NTF3: variants seen among roughly 807,000 people sequenced by gnomAD.
The protein encoded by NTF3 is neurotrophin 3, also known as neurotrophin-3.
In NTF3, 8 loss-of-function variants were observed where a neutral mutation model predicts 26.3. The observed-to-expected ratio is 0.30, with a 90% CI of 0.18 to 0.55. The LOEUF (loss-of-function observed/expected upper bound fraction) is 0.55, where lower values mean the gene tolerates loss of function less well. Ranked by LOEUF, NTF3 falls within the 20% of genes least tolerant of loss-of-function variation. The pLI is 0.93. For missense variants in NTF3, 276 were observed against 352.9 expected (o/e 0.78, Z 1.75); for synonymous variants, 154 against 145.5 (o/e 1.06, Z -0.42).
At chr12:5,455,852 G>A (rs1940439637) in intron 1 of NTF3, among the ~76,000 whole-genome samples, 1 of 152,158 alleles carries the variant, frequency 6.6e-6, no homozygotes, top group Non-Finnish European at 1.5e-5. Flanking sequence ...GATGGTGAGG[G>A]ATGTGCAGGG....
chr12:5,475,876 G>A (rs931759614), intron 1 of NTF3, among the ~76,000 whole-genome samples: 26 of 147,462 alleles, frequency 1.8e-4, no homozygotes, highest in Non-Finnish European at 3.2e-4. Flanking sequence ...GAGAGAGAGA[G>A]AAGGAAAGAA....
Position 5,456,563 on chromosome 12 carries a change from A to G in NTF3, c.18+24221A>G, listed in dbSNP as rs912202478. ...GGGACAGAGGAGAGAAAGGGTCTGC[A>G]TTCTGTTTGCAGCCCTGATCGTGAG... On this transcript the variant is annotated intron_variant, in intron 1 of 1. Coordinates refer to ENST00000423158, the MANE Select transcript of NTF3 (RefSeq NM_001102654.2). This position sits in a 1 kb window ranked among gnomAD's most constrained non-coding sequence, Gnocchi z 4.4. 1.3e-5 allele frequency among the ~76,000 whole-genome samples: 2 copies of G among 152,038 alleles called. No homozygotes were observed. The highest frequency in any genetic ancestry group is 2.1e-4 in the South Asian group (1 of 4,812).
At chr12:5,449,524 GT>G (rs1237610373) in intron 1 of NTF3, among the ~76,000 whole-genome samples, 1 of 152,138 alleles carries the variant, frequency 6.6e-6, no homozygotes, top group Non-Finnish European at 1.5e-5. Flanking sequence ...TTTGGTATGG[GT>G]TTTGCTATTT....
intron 1 of NTF3, among the ~76,000 whole-genome samples, chr12:5,482,492 G>T (rs534197952): frequency 2.2e-4 from 34 of 152,328 alleles, no homozygotes; most frequent in African/African-American, 7.7e-4. Flanking sequence ...GGAGGTCACT[G>T]GCTTTGGAGA....
intron 1 of NTF3, among the ~76,000 whole-genome samples, chr12:5,454,429 C>T (rs1940412173): frequency 6.6e-6 from 1 of 152,094 alleles, no homozygotes. Context: ...AGGTCATGTG[C>T]TCAAGTACTA....
intron 1 of NTF3, among the ~76,000 whole-genome samples, chr12:5,474,345 G>A (rs531335882): frequency 9.8e-5 from 15 of 152,338 alleles, no homozygotes; most frequent in Admixed American, 6.5e-4. Flanking sequence ...TCTCAGAGAC[G>A]TGATGTATGA....
chr12:5,437,330 A>C (rs1940179266), intron 1 of NTF3, among the ~76,000 whole-genome samples: 1 of 152,220 alleles, frequency 6.6e-6, no homozygotes, highest in Non-Finnish European at 1.5e-5. Flanking sequence ...TGATTGGAAG[A>C]GGTCACTGCT....
At chr12:5,462,076 T>C (rs981145674) in intron 1 of NTF3, among the ~76,000 whole-genome samples, 7 of 152,198 alleles carry the variant, frequency 4.6e-5, no homozygotes, top group Non-Finnish European at 1.0e-4. Context: ...GACAAATAAA[T>C]ACAGCAACTG....
intron 1 of NTF3, among the ~76,000 whole-genome samples, chr12:5,457,150 A>T (rs945194002): frequency 6.6e-5 from 10 of 152,254 alleles, no homozygotes; most frequent in Admixed American, 2.6e-4. Context: ...AGTCATGCAT[A>T]TTAGGATTTG....
In NTF3 at chr12:5,494,735, C is replaced by T. The variant is rs1342980492; in HGVS notation, c.560C>T (p.Thr187Met). The change falls in exon 2 of 2, where the codon ACG becomes ATG. Residue 187 changes from threonine to methionine, a missense_variant. By Grantham distance (81) the Thr-to-Met change is moderately conservative. This residue lies in a region of NTF3 where 221 missense variants were observed against 258.2 expected (regional missense o/e 0.86). Transcript: ENST00000423158. This position sits in a 1 kb window ranked among gnomAD's most constrained non-coding sequence, Gnocchi z 8.3. ...ATCGACATTCGGGGACACCAGGTCA[C>T]GGTGCTGGGGGAGATCAAAACGGGC... is the stretch of plus-strand genomic sequence containing the variant. ...SAIDIRGHQV[T>M]VLGEIKTGNS... The T allele has an allele frequency of 5.6e-6, 9 of 1,614,136 alleles. No individual in the cohort carries two copies. The highest frequency in any genetic ancestry group is 1.6e-4 in the Middle Eastern group (1 of 6,062).
intron 1 of NTF3, among the ~76,000 whole-genome samples, chr12:5,486,686 C>T (rs906423185): frequency 9.2e-5 from 14 of 152,246 alleles, no homozygotes; most frequent in African/African-American, 2.2e-4. Flanking sequence ...CTGCCTATGT[C>T]GCTGAAGCAA....
In NTF3 at chr12:5,432,227, G is replaced by T; in HGVS notation, c.-98G>T. 3 of 1,321,146 alleles carry T rather than the reference G, an allele frequency of 2.3e-6. No homozygotes were observed. The highest frequency in any genetic ancestry group is 1.2e-5 in the South Asian group (1 of 85,096). 81.8% of individuals were successfully genotyped at this position (1,321,146 alleles called of 1,614,324 possible). Reference sequence around the variant, plus strand: ...CTTCCTCTCCTTTTTCCCCTGCTGGGTAGTGGCTGCGGCGGGGTGGGGGAG... The same window carrying T: ...CTTCCTCTCCTTTTTCCCCTGCTGGTTAGTGGCTGCGGCGGGGTGGGGGAG... On this transcript the variant is annotated 5_prime_UTR_variant, in exon 1 of 2. Coordinates refer to ENST00000423158, the MANE Select transcript of NTF3 (RefSeq NM_001102654.2).
intron 1 of NTF3, among the ~76,000 whole-genome samples, chr12:5,491,116 T>TGCCATTGTTTA (rs1940931176): frequency 6.6e-6 from 1 of 152,228 alleles, no homozygotes; most frequent in South Asian, 2.1e-4. Flanking sequence ...CGTCACTCTC[T>TGCCATTGTTTA]GCCATTGTTT....
At chr12:5,435,303 T>G (rs1264502878) in intron 1 of NTF3, among the ~76,000 whole-genome samples, 2 of 152,214 alleles carry the variant, frequency 1.3e-5, no homozygotes, top group African/African-American at 4.8e-5. Context: ...AGCCCATTGC[T>G]GGGTACTGGG....
At chr12:5,479,023 A>G (rs946549961) in intron 1 of NTF3, among the ~76,000 whole-genome samples, 6 of 152,194 alleles carry the variant, frequency 3.9e-5, no homozygotes, top group African/African-American at 1.4e-4. Flanking sequence ...CAGTTGTCTC[A>G]TTAGCCCCCA....
At chr12:5,466,530 A>G (rs1210583720) in intron 1 of NTF3, among the ~76,000 whole-genome samples, 4 of 152,138 alleles carry the variant, frequency 2.6e-5, no homozygotes, top group Non-Finnish European at 5.9e-5. Context: ...CCTAGCCATC[A>G]TTTCATTCCA....
chr12:5,473,031 C>T (rs1037633184), intron 1 of NTF3, among the ~76,000 whole-genome samples: 7 of 152,250 alleles, frequency 4.6e-5, no homozygotes, highest in South Asian at 2.1e-4. Context: ...GCAGAGTTCC[C>T]GTCTTGTTTA....
intron 1 of NTF3, among the ~76,000 whole-genome samples, chr12:5,445,713 G>T (rs530906149): frequency 6.6e-6 from 1 of 152,230 alleles, no homozygotes; most frequent in African/African-American, 2.4e-5. Context: ...AATGCAATGT[G>T]CAGCCACGTT....
intron 1 of NTF3, among the ~76,000 whole-genome samples, chr12:5,438,359 C>G (rs530556584): frequency 6.6e-6 from 1 of 152,326 alleles, no homozygotes; most frequent in African/African-American, 2.4e-5. Context: ...ATGTCCCCAT[C>G]TGTGCCATGG....
Sources: allele counts gnomAD v4.1 joint callset (sites outside exome capture counted in the v4.1 genomes callset), GRCh38; gene constraint gnomAD v4.1.1; regional missense constraint gnomAD v4.1.1; non-coding constraint Gnocchi (gnomAD v3.1); transcripts MANE v1.5; gene names NCBI Gene and HGNC (gene_info 2026-07-23, HGNC 2026-07-21).